OR4E2: variants seen among roughly 807,000 people sequenced by gnomAD.
OR4E2 encodes olfactory receptor 4E2.
In OR4E2, 9 loss-of-function variants were observed where a neutral mutation model predicts 11.0. That is an observed-to-expected ratio of 0.82 (90% CI 0.49 to 1.43). The LOEUF (loss-of-function observed/expected upper bound fraction) is 1.43. Among genes scored for constraint, OR4E2 ranks in the 40% most tolerant of loss-of-function variants. The pLI, the probability that OR4E2 is intolerant of heterozygous loss-of-function variation, is 0.00. For synonymous variants in OR4E2, 159 were observed against 147.3 expected, an observed-to-expected ratio of 1.08 and a Z score of -0.57; for missense variants, 441 against 382.0, an observed-to-expected ratio of 1.15 and a Z score of -1.29.
chr14:21,654,729 T>C (rs1269447438), intron 1 of OR4E2, among the ~76,000 whole-genome samples: 1 of 149,120 alleles, frequency 6.7e-6, no homozygotes, highest in Non-Finnish European at 1.5e-5. Context: ...TGTGTGTATA[T>C]ACATTATATA....
rs543592209 is a variant in OR4E2 at position 21,657,665 on chromosome 14, A to G, written c.-103+1076A>G. On this transcript the variant is annotated intron_variant, in intron 2 of 3. Coordinates refer to ENST00000641524, the MANE Select transcript of OR4E2 (RefSeq NM_001001912.3). ...GAGCTCGGTGGCACGATCCCAGCTC[A>G]CTGCAACCCCTACCTCCCAGGTTCA... is the stretch of plus-strand genomic sequence containing the variant. 5.4e-5 allele frequency among the ~76,000 whole-genome samples: 8 copies of G among 148,758 alleles called. No individual in the cohort carries two copies. In the East Asian group the frequency reaches 1.6e-3, roughly 29 times the overall value.
Position 21,665,892 on chromosome 14 carries a change from G to C in OR4E2, c.810G>C (p.Val270=), listed in dbSNP as rs1266472831. Residue 270 remains valine (V), a synonymous_variant, in exon 4 of 4, where the codon GTG becomes GTC. Coordinates refer to ENST00000641524, the MANE Select transcript of OR4E2 (RefSeq NM_001001912.3). ...ACACCAGCTTCTCCATTGACAAGGT[G>C]GTGTCTGTCTTCTACACAGTGGTCA... The part of the protein sequence containing the change: ...RPDTSFSIDK[V]VSVFYTVVTP... The C allele has an allele frequency of 1.2e-6, 2 of 1,610,240 alleles. No homozygotes were observed. Among genetic ancestry groups the C allele is most frequent in the Admixed American group, 1.7e-5 (1 of 59,442 alleles).
intron 2 of OR4E2, among the ~76,000 whole-genome samples, chr14:21,656,912 GCA>G (rs1255711412): frequency 1.3e-5 from 2 of 152,156 alleles, no homozygotes; most frequent in Non-Finnish European, 2.9e-5. Flanking sequence ...GTTTGCCACA[GCA>G]CTGATTTCTT....
intron 1 of OR4E2, among the ~76,000 whole-genome samples, chr14:21,656,144 A>G (rs2139795827): frequency 6.6e-6 from 1 of 151,136 alleles, no homozygotes; most frequent in East Asian, 2.0e-4. Flanking sequence ...ACCAAAAACA[A>G]AAAACAAGAA....
At chr14:21,660,518 T>C (rs1006788220) in intron 2 of OR4E2, 135 bp from the exon 3 acceptor site, 1 of 152,088 alleles carries the variant, frequency 6.6e-6, no homozygotes, top group African/African-American at 2.4e-5. Flanking sequence ...AGAGAGGAAA[T>C]GGGAAGTTGT....
In OR4E2 at chr14:21,667,279, T is replaced by G. The variant is rs1272882984; in HGVS notation, c.*1255T>G. The G allele has an allele frequency of 2.0e-5, 3 of 152,168 alleles. No individual in the cohort carries two copies. Among genetic ancestry groups the G allele is most frequent in the Admixed American group, 2.0e-4 (3 of 15,270 alleles). The allele number at this position is 152,168 out of a possible 1,614,324, so 9.4% of individuals were successfully genotyped here. The stretch of plus-strand genomic sequence containing the variant: ...ATTTTCCACATGGTCTGTCAACTTA[T>G]AGAAATAATACTTGAGTATTCTGGA... On this transcript the variant is annotated 3_prime_UTR_variant, in exon 4 of 4. Coordinates refer to ENST00000641524, the MANE Select transcript of OR4E2 (RefSeq NM_001001912.3).
intron 3 of OR4E2, among the ~76,000 whole-genome samples, chr14:21,662,603 A>G (rs1370478132): frequency 6.6e-6 from 1 of 152,128 alleles, no homozygotes; most frequent in Non-Finnish European, 1.5e-5. Flanking sequence ...CCTGGCTGGC[A>G]TTATATATTT....
rs974606347 is a variant in OR4E2, at chr14:21,656,563, G to A, written c.-129G>A. ...AGTAACTTTATAACAATTAGCTAAA[G>A]CATCCCTGCACAACTGGAGAAAACT... On this transcript the variant is annotated 5_prime_UTR_variant, in exon 2 of 4. Transcript: ENST00000641524. 6.6e-6 allele frequency: 1 copy of A among 152,146 alleles called. No individual in the cohort carries two copies. The highest frequency in any genetic ancestry group is 2.4e-5 in the African/African-American group (1 of 41,434). The allele number at this position is 152,146 out of a possible 1,614,324, so 9.4% of individuals were successfully genotyped here. A position where few individuals can be genotyped will look rare whatever the true frequency, so the allele number is the denominator to read the frequency against.
chr14:21,665,570 C>T lies in OR4E2; in HGVS notation c.488C>T (p.Thr163Ile), dbSNP rs1170327251. ...CACTCACTAGGGCAGACCTTCTTGA[C>T]TATTCGTCTACCTTACTGTGGCCCC... Reference protein sequence around the residue: ...TVHSLGQTFLTIRLPYCGPNI... With the variant: ...TVHSLGQTFLIIRLPYCGPNI... Residue 163 changes from threonine (T) to isoleucine (I), a missense_variant, in exon 4 of 4, where the codon ACT becomes ATT. By Grantham distance (89) the Thr-to-Ile change is moderately conservative. Coordinates refer to ENST00000641524, the MANE Select transcript of OR4E2 (RefSeq NM_001001912.3). The T allele has an allele frequency of 4.3e-6, 7 of 1,614,120 alleles. No homozygotes were observed. Among genetic ancestry groups the T allele is most frequent in the Non-Finnish European group, 5.9e-6 (7 of 1,180,002 alleles).
chr14:21,657,989 G>A (rs1361081998), intron 2 of OR4E2, among the ~76,000 whole-genome samples: 1 of 151,716 alleles, frequency 6.6e-6, no homozygotes, highest in Non-Finnish European at 1.5e-5. Flanking sequence ...TTTTTTCTCA[G>A]AGATTTCTTT....
At chr14:21,656,098 C>T (rs1025113477) in intron 1 of OR4E2, among the ~76,000 whole-genome samples, 7 of 151,306 alleles carry the variant, frequency 4.6e-5, no homozygotes, top group African/African-American at 9.7e-5. Context: ...AGCAACATAG[C>T]GAAGCCCCTG....
At position 21,666,081 on chromosome 14, in the gene OR4E2, T is replaced by C; in HGVS notation, c.*57T>C. 4.7e-6 allele frequency: 6 copies of C among 1,288,356 alleles called. No homozygotes were observed. The highest frequency in any genetic ancestry group is 2.4e-5 in the East Asian group (1 of 41,714). 79.8% of individuals were successfully genotyped at this position (1,288,356 alleles called of 1,614,324 possible). ...CACATCCTTAATGAAAGAGCAAAAG[T>C]AAAGAGTCAAAATCAACTTATATAA... On this transcript the variant is annotated 3_prime_UTR_variant, in exon 4 of 4. Transcript: ENST00000641524.
Position 21,665,868 on chromosome 14 carries a change from C to T in OR4E2, c.786C>T (p.Asp262=), listed in dbSNP as rs1342253486. ...GTATCTTCATCTATACTCGGCCAGA[C>T]ACCAGCTTCTCCATTGACAAGGTGG... ...GPCIFIYTRP[D]TSFSIDKVVS... The change falls in exon 4 of 4, where the codon GAC becomes GAT. Residue 262 remains aspartate, a synonymous_variant. Transcript: ENST00000641524. The T allele has an allele frequency of 1.2e-6, 2 of 1,608,986 alleles. No individual in the cohort carries two copies. Among genetic ancestry groups the T allele is most frequent in the African/African-American group, 2.7e-5 (2 of 74,700 alleles).
chr14:21,658,790 A>G (rs1181810157), intron 2 of OR4E2, among the ~76,000 whole-genome samples: 3 of 152,136 alleles, frequency 2.0e-5, no homozygotes, highest in Admixed American at 2.0e-4. Flanking sequence ...AGGAAGAGAT[A>G]GATTTCATTG....
intron 3 of OR4E2, among the ~76,000 whole-genome samples, chr14:21,663,704 A>T (rs1439960853): frequency 6.6e-6 from 1 of 152,198 alleles, no homozygotes; most frequent in Non-Finnish European, 1.5e-5. Flanking sequence ...ATAAGTGTGC[A>T]GGATGTGCAG....
At chr14:21,658,648 A>G (rs1378005763) in intron 2 of OR4E2, among the ~76,000 whole-genome samples, 1 of 152,120 alleles carries the variant, frequency 6.6e-6, no homozygotes, top group Non-Finnish European at 1.5e-5. Flanking sequence ...GAGGTCACTG[A>G]TCTCTGGAAA....
intron 2 of OR4E2, among the ~76,000 whole-genome samples, chr14:21,657,504 C>G (rs1435782788): frequency 4.7e-4 from 32 of 67,950 alleles, no homozygotes; most frequent in African/African-American, 1.7e-3. Context: ...TCCTTCCTTC[C>G]TTCTTTCTTT....
intron 3 of OR4E2, among the ~76,000 whole-genome samples, chr14:21,663,244 C>T (rs1459390600): frequency 6.6e-6 from 1 of 152,042 alleles, no homozygotes; most frequent in Non-Finnish European, 1.5e-5. Flanking sequence ...CTTTGGGAGG[C>T]CGAGGTGGGT....
chr14:21,658,457 C>G (rs1880136637), intron 2 of OR4E2, among the ~76,000 whole-genome samples: 1 of 152,194 alleles, frequency 6.6e-6, no homozygotes, highest in African/African-American at 2.4e-5. Flanking sequence ...TCATGTTCCT[C>G]TTGGCAAAAG....
Sources: gnomAD v4.1 joint callset for allele counts (sites outside exome capture counted in the v4.1 genomes callset) on GRCh38, gnomAD v4.1.1 for gene constraint, MANE v1.5 for transcripts, NCBI Gene and HGNC (gene_info 2026-07-23, HGNC 2026-07-21) for gene names.